MDN1: variants seen among roughly 807,000 people sequenced by gnomAD.
MDN1 encodes the protein midasin.
In MDN1, 266 loss-of-function variants were observed where a neutral mutation model predicts 669.2. The observed-to-expected ratio is 0.40, with a 90% CI of 0.36 to 0.44. The LOEUF is 0.44. Ranked by LOEUF, MDN1 falls within the 20% of genes least tolerant of loss-of-function variation. The pLI is 1.00. For synonymous variants in MDN1, 2,385 were observed against 2,457.1 expected (o/e 0.97, Z 0.87); for missense variants, 5,940 against 6,754.0 (o/e 0.88, Z 4.22).
intron 50 of MDN1, 29 bp downstream of exon 50, chr6:89,710,652 G>A (rs1411653929): frequency 3.0e-6 from 4 of 1,320,482 alleles, no homozygotes; most frequent in East Asian, 2.6e-5. Flanking sequence ...CCAAAACAGT[G>A]CTGAGAGCTA....
At chr6:89,755,839 T>C (rs1449796691) in intron 20 of MDN1, among the ~76,000 whole-genome samples, 1 of 152,234 alleles carries the variant, frequency 6.6e-6, no homozygotes, top group Non-Finnish European at 1.5e-5. Flanking sequence ...CTCTATTATT[T>C]ATTAGGCTAA....
intron 15 of MDN1, among the ~76,000 whole-genome samples, chr6:89,764,409 A>G (rs1019084857): frequency 2.0e-5 from 3 of 152,088 alleles, no homozygotes; most frequent in Non-Finnish European, 4.4e-5. Context: ...GTTCGACACC[A>G]CCGTGGGCAA....
intron 83 of MDN1, among the ~76,000 whole-genome samples, chr6:89,669,388 TTTA>T (rs1352579278): frequency 2.6e-5 from 4 of 152,046 alleles, no homozygotes; most frequent in Non-Finnish European, 4.4e-5. Context: ...ATTATTACTT[TTTA>T]TTATTATTAT....
At position 89,814,666 on chromosome 6, in the gene MDN1, G is replaced by C. The variant is rs113786802; in HGVS notation, c.102+4840C>G. Reference sequence around the variant, plus strand: ...GGTCTAGTGGGCAGAGTAGACTCTTGGCCAGACAGATGGTTTCTCAGTGGC... The same window carrying C: ...GGTCTAGTGGGCAGAGTAGACTCTTCGCCAGACAGATGGTTTCTCAGTGGC... On this transcript the variant is annotated intron_variant, in intron 1 of 101. Coordinates refer to ENST00000369393, the MANE Select transcript of MDN1 (RefSeq NM_014611.3). 3.6e-3 allele frequency: 937 copies of C among 262,962 alleles called. 10 individuals carry two copies. Among genetic ancestry groups the C allele is most frequent in the African/African-American group, 0.02 (879 of 44,386 alleles). 16.3% of individuals were successfully genotyped at this position (262,962 alleles called of 1,614,324 possible).
In MDN1 at chr6:89,765,533, C is replaced by T. The variant is rs186372905; in HGVS notation, c.2145-3003G>A. 6.6e-5 allele frequency among the ~76,000 whole-genome samples: 10 copies of T among 152,248 alleles called. No homozygotes were observed. The East Asian group carries it at 1.7e-3, about 26-fold the overall frequency. ...CTCACTATGTTGCCCAAGCTGGTCTCGAAGTCCTGGCCTCAAGCAATACTC... is the reference window on the plus strand; with the variant it reads ...CTCACTATGTTGCCCAAGCTGGTCTTGAAGTCCTGGCCTCAAGCAATACTC... On this transcript the variant is annotated intron_variant, in intron 15 of 101. Coordinates refer to ENST00000369393, the MANE Select transcript of MDN1 (RefSeq NM_014611.3).
chr6:89,812,572 T>G (rs768049280), intron 1 of MDN1, among the ~76,000 whole-genome samples: 27 of 152,260 alleles, frequency 1.8e-4, no homozygotes, highest in Middle Eastern at 3.4e-3. Flanking sequence ...GTTTTTACTG[T>G]TTTGAGTAAT....
At chr6:89,659,029 G>C (rs1270709743) in intron 88 of MDN1, 112 bp from the exon 89 acceptor site, 37 of 1,109,034 alleles carry the variant, frequency 3.3e-5, no homozygotes, top group Non-Finnish European at 3.9e-5. Context: ...CTAAACCAGC[G>C]AGTGGCAAAT....
intron 37 of MDN1, among the ~76,000 whole-genome samples, chr6:89,727,363 T>C (rs774017580): frequency 2.0e-5 from 3 of 152,232 alleles, no homozygotes; most frequent in Non-Finnish European, 4.4e-5. Context: ...AGATTCAGTA[T>C]TTATCATGTC....
chr6:89,686,050 T>C, intron 69 of MDN1, 77 bp from the exon 70 acceptor site: 2 of 1,451,578 alleles, frequency 1.4e-6, no homozygotes, highest in Non-Finnish European at 9.4e-7. Context: ...CGCAATCTAT[T>C]TGGGATACTA....
intron 1 of MDN1, among the ~76,000 whole-genome samples, chr6:89,818,605 A>G (rs1769009537): frequency 6.6e-6 from 1 of 151,820 alleles, no homozygotes; most frequent in Non-Finnish European, 1.5e-5. Flanking sequence ...AGGTCAAGAG[A>G]TCGAGACCAT....
At chr6:89,723,690 G>T in intron 38 of MDN1, 71 bp from the exon 39 acceptor site, 1 of 766,668 alleles carries the variant, frequency 1.3e-6, no homozygotes, top group Non-Finnish European at 2.0e-6. Flanking sequence ...TGACTACCAT[G>T]TCTTATTATG....
In MDN1 at chr6:89,668,739, G is replaced by A. The variant is rs528823653; in HGVS notation, c.13957-588C>T. On this transcript the variant is annotated intron_variant, in intron 83 of 101. Transcript: ENST00000369393. ...AGCAAGGAATTAAGATCCCAAACCA[G>A]TAAACACTAATTATGACTTGGTTAC... 2.0e-5 allele frequency among the ~76,000 whole-genome samples: 3 copies of A among 152,328 alleles called. No individual in the cohort carries two copies. The Middle Eastern group carries it at 0.01, about 518-fold the overall frequency.
chr6:89,675,718 T>A, intron 77 of MDN1, 139 bp from the exon 78 acceptor site: 1 of 656,602 alleles, frequency 1.5e-6, no homozygotes, highest in East Asian at 2.7e-5. Flanking sequence ...TTGAGCAGTG[T>A]TTCTCCAATT....
At chr6:89,736,247 G>A (rs899033638) in intron 33 of MDN1, among the ~76,000 whole-genome samples, 1 of 152,150 alleles carries the variant, frequency 6.6e-6, no homozygotes, top group Non-Finnish European at 1.5e-5. Context: ...TAGAAAGCCT[G>A]GAGTAAACAA....
intron 22 of MDN1, among the ~76,000 whole-genome samples, chr6:89,753,245 C>A (rs945920446): frequency 6.6e-6 from 1 of 151,988 alleles, no homozygotes; most frequent in Non-Finnish European, 1.5e-5. Flanking sequence ...TCAACATATA[C>A]ATATCAAAAT....
intron 27 of MDN1, among the ~76,000 whole-genome samples, 200 bp downstream of exon 27, chr6:89,747,129 T>G (rs1187892528): frequency 6.6e-6 from 1 of 152,138 alleles, no homozygotes; most frequent in Non-Finnish European, 1.5e-5. Flanking sequence ...TAAGAAAACC[T>G]TAGCAACCAG....
At position 89,727,928 on chromosome 6, in the gene MDN1, G is replaced by C. The variant is rs148642329; in HGVS notation, c.5377C>G (p.Leu1793Val). The change falls in exon 37 of 102, where the codon CTA (leucine) becomes GTA (valine). Residue 1793 changes from leucine to valine, a missense_variant. By Grantham distance (32) the Leu-to-Val change is conservative (BLOSUM62 1). Around this residue, in one of 5 missense-constraint regions of MDN1, gnomAD observed 2,292 missense variants for 2,638.3 expected, o/e 0.87. Transcript: ENST00000369393. Reference sequence around the variant, plus strand: ...CCTCCCTTGCCACCTTCAACAGGTAGATCTGCTCCAAACAGGTCTGTGATG... The same window carrying C: ...CCTCCCTTGCCACCTTCAACAGGTACATCTGCTCCAAACAGGTCTGTGATG... ...TDITDLFGAD[L>V]PVEGGKGGEF... The C allele has an allele frequency of 6.2e-7, 1 of 1,613,940 alleles. No homozygotes were observed. Among genetic ancestry groups the C allele is most frequent in the Non-Finnish European group, 8.5e-7 (1 of 1,179,894 alleles).
chr6:89,741,553 G>A (rs1377487899), intron 31 of MDN1, among the ~76,000 whole-genome samples: 3 of 151,822 alleles, frequency 2.0e-5, no homozygotes, highest in African/African-American at 7.3e-5. Context: ...ACAGCCAGAG[G>A]TCACGAGATT....
chr6:89,716,880 G>C, intron 43 of MDN1, 71 bp from the exon 44 acceptor site: 1 of 1,440,934 alleles, frequency 6.9e-7, no homozygotes, highest in East Asian at 2.5e-5. Context: ...TTTATGAAAA[G>C]GAAGCTTGAT....
Sources: gnomAD v4.1 joint callset for allele counts (sites outside exome capture counted in the v4.1 genomes callset) on GRCh38, gnomAD v4.1.1 for gene constraint, gnomAD v4.1.1 regional missense constraint, MANE v1.5 for transcripts, NCBI Gene and HGNC (gene_info 2026-07-23, HGNC 2026-07-21) for gene names.